Variants in TLE6 observed in about 807,000 individuals in gnomAD.
TLE6 encodes TLE family member 6, subcortical maternal complex member, also known as transducin-like enhancer protein 6.
Under a neutral mutation model 77.1 loss-of-function variants are expected in TLE6, and 72 were observed. That is an observed-to-expected ratio of 0.93 (90% CI 0.77 to 1.14). The LOEUF is 1.14. Ranked by LOEUF, TLE6 falls within the 50% of genes most tolerant of loss-of-function variation. The pLI, the probability that TLE6 is intolerant of heterozygous loss-of-function variation, is 0.00. For missense variants in TLE6, 843 were observed against 747.6 expected (o/e 1.13, Z -1.49); for synonymous variants, 366 against 287.3 (o/e 1.27, Z -2.77).
chr19:2,990,654 TAC>T (rs1491013508), intron 13 of TLE6, among the ~76,000 whole-genome samples: 25 of 67,230 alleles, frequency 3.7e-4, no homozygotes, highest in African/African-American at 2.9e-3. Flanking sequence ...TATATATAAA[TAC>T]ATAAATATAT....
rs371606064 is a variant in TLE6 at position 2,987,083 on chromosome 19, C to A, written c.386C>A (p.Ser129Tyr). The part of the protein sequence containing the change: ...SFEDIMATRS[S>Y]DWLRRPLGED... Reference sequence around the variant, plus strand: ...GAGGACATCATGGCCACCAGGTCCTCCGACTGGCTCCGGCGGCCTTTGGGG... The same window carrying A: ...GAGGACATCATGGCCACCAGGTCCTACGACTGGCTCCGGCGGCCTTTGGGG... The change falls in exon 7 of 17, where the codon TCC (serine) becomes TAC (tyrosine). Residue 129 changes from serine to tyrosine, a missense_variant. By Grantham distance (144) the Ser-to-Tyr change is moderately radical. Transcript: ENST00000246112. The A allele has an allele frequency of 8.7e-6, 14 of 1,614,062 alleles. No individual in the cohort carries two copies. Among genetic ancestry groups the A allele is most frequent in the African/African-American group, 1.3e-5 (1 of 74,952 alleles).
At chr19:2,991,184 AC>A (rs1371373166) in intron 13 of TLE6, among the ~76,000 whole-genome samples, 1 of 148,870 alleles carries the variant, frequency 6.7e-6, no homozygotes, top group Non-Finnish European at 1.5e-5. Context: ...ACATGGAGAT[AC>A]CCCATCTCTA....
chr19:2,991,891 C>T lies in TLE6; in HGVS notation c.1293C>T (p.Gly431=). 6.2e-7 allele frequency: 1 copy of T among 1,613,860 alleles called. No individual in the cohort carries two copies. The highest frequency in any genetic ancestry group is 1.6e-4 in the Middle Eastern group (1 of 6,062). Residue 431 remains glycine, a synonymous_variant, in exon 14 of 17, where the codon GGC becomes GGT. Transcript: ENST00000246112. ...GAGTCAAGAGTATCGTGGTCAAGGG[C>T]TACAACATCTGGACTGGGGGTCCGG... The part of the protein sequence containing the change: ...PDGVKSIVVK[G]YNIWTGGPDA...
At chr19:2,992,608 AAAAAAT>A (rs1420397566) in intron 14 of TLE6, among the ~76,000 whole-genome samples, 5 of 151,816 alleles carry the variant, frequency 3.3e-5, no homozygotes, top group East Asian at 1.9e-4. Flanking sequence ...CTGTTTCTAC[AAAAAAT>A]AAAAATAAAA....
At chr19:2,985,166 C>T (rs1439582234) in intron 5 of TLE6, among the ~76,000 whole-genome samples, 1 of 151,830 alleles carries the variant, frequency 6.6e-6, no homozygotes, top group African/African-American at 2.4e-5. Flanking sequence ...AGGAGAATTG[C>T]TTTAACCCAG....
chr19:2,980,264 G>GT, intron 3 of TLE6, 82 bp downstream of exon 3: 1 of 1,221,050 alleles, frequency 8.2e-7, no homozygotes, highest in Admixed American at 2.2e-5. Context: ...CTAGTGAGTG[G>GT]TCTAGAGGCT....
chr19:2,985,372 T>C (rs2145034416), intron 5 of TLE6, among the ~76,000 whole-genome samples: 1 of 150,782 alleles, frequency 6.6e-6, no homozygotes, highest in South Asian at 2.1e-4. Context: ...TAGGGAGACC[T>C]AGGTATGCTG....
chr19:2,980,143 A>C lies in TLE6; in HGVS notation c.95A>C (p.Asn32Thr). The part of the protein sequence containing the change: ...ISNSESSPTL[N>T]YQGILNRLKQ... ...AACTCTGAGAGCTCTCCGACGCTGA[A>C]TTATCAGGGCATTCTAAATCGGCTC... The change falls in exon 3 of 17, where the codon AAT becomes ACT. Residue 32 changes from asparagine to threonine, a missense_variant. Physicochemically the swap from Asn to Thr is moderately conservative, Grantham distance 65 (BLOSUM62 0). Transcript: ENST00000246112. 1 of 1,549,930 alleles carries C rather than the reference A, an allele frequency of 6.5e-7. No individual in the cohort carries two copies. Among genetic ancestry groups the C allele is most frequent in the Non-Finnish European group, 8.7e-7 (1 of 1,145,922 alleles).
At chr19:2,983,691 G>C (rs909165531) in intron 5 of TLE6, among the ~76,000 whole-genome samples, 1 of 152,094 alleles carries the variant, frequency 6.6e-6, no homozygotes, top group Non-Finnish European at 1.5e-5. Context: ...TGAACCCTGA[G>C]GGAGGGAGGT....
In TLE6 at chr19:2,981,529, C is replaced by A; in HGVS notation, c.135-9C>A. The A allele has an allele frequency of 6.4e-7, 1 of 1,551,532 alleles. No individual in the cohort carries two copies. Among genetic ancestry groups the A allele is most frequent in the Non-Finnish European group, 8.7e-7 (1 of 1,146,918 alleles). ...ACAGGTCTTCCAGCCTGTCCTCCTT[C>A]CCCCTCAGGTTTTCTCCTCATTTTG... On this transcript the variant is annotated splice_polypyrimidine_tract_variant and intron_variant, in intron 3 of 16. Coordinates refer to ENST00000246112, the MANE Select transcript of TLE6 (RefSeq NM_001143986.2).
Position 2,987,190 on chromosome 19 carries a change from C to T in TLE6, c.493C>T (p.Arg165Trp), listed in dbSNP as rs766166831. 13 of 1,613,936 alleles carry T rather than the reference C, an allele frequency of 8.1e-6. No individual in the cohort carries two copies. In the African/African-American group the frequency reaches 9.3e-5, roughly 12 times the overall value. ...CGACACTCTGACCGAGCAACTCTGG[C>T]GGATTTTTGCCGGCGTCCACGATGA... ...WHDTLTEQLWRIFAGVHDEKA... is the reference protein window; with the variant it reads ...WHDTLTEQLWWIFAGVHDEKA... Residue 165 changes from arginine (R) to tryptophan (W), a missense_variant, in exon 7 of 17, where the codon CGG (arginine) becomes TGG (tryptophan). By Grantham distance (101) the Arg-to-Trp change is moderately radical (BLOSUM62 -3). Coordinates refer to ENST00000246112, the MANE Select transcript of TLE6 (RefSeq NM_001143986.2).
chr19:2,978,477 C>T (rs182940851), intron 2 of TLE6, among the ~76,000 whole-genome samples, 193 bp downstream of exon 2: 2 of 152,140 alleles, frequency 1.3e-5, no homozygotes, highest in South Asian at 2.1e-4. Context: ...AGGCTGGACA[C>T]TGTGGCTCAC....
At chr19:2,985,399 C>CTTT (rs1158204473) in intron 5 of TLE6, among the ~76,000 whole-genome samples, 2,577 of 89,936 alleles carry the variant, frequency 0.029, 353 homozygotes, top group African/African-American at 0.1. Flanking sequence ...TGCTTGAAGC[C>CTTT]TTTTTTTTTT....
chr19:2,989,694 C>T lies in TLE6; in HGVS notation c.1153C>T (p.Leu385=). ...LPCAGLNCQA[L]DANLDANLAF... ...CTGTGCAGGTCTCAACTGCCAGGCC[C>T]TGGATGCCAACCTGGATGCCAACCT... The change falls in exon 13 of 17, where the codon CTG becomes TTG. Residue 385 remains leucine (L), a synonymous_variant. Transcript: ENST00000246112. 3 of 1,614,128 alleles carry T rather than the reference C, an allele frequency of 1.9e-6. No homozygotes were observed. Among genetic ancestry groups the T allele is most frequent in the Non-Finnish European group, 2.5e-6 (3 of 1,179,974 alleles).
Position 2,995,047 on chromosome 19 carries a change from C to T in TLE6, c.*43C>T, listed in dbSNP as rs998316193. On this transcript the variant is annotated 3_prime_UTR_variant, in exon 17 of 17. Coordinates refer to ENST00000246112, the MANE Select transcript of TLE6 (RefSeq NM_001143986.2). ...ATCCCACTCCGGCTCCTCTTTTCAT[C>T]CCCCCCCTTCCCCCCCCCCAACAAG... 1.0e-5 allele frequency: 10 copies of T among 977,056 alleles called. No homozygotes were observed. The East Asian group carries it at 2.0e-4, about 19-fold the overall frequency. 60.5% of individuals were successfully genotyped at this position (977,056 alleles called of 1,614,324 possible).
chr19:2,993,539 G>C lies in TLE6; in HGVS notation c.1494G>C (p.Gly498=), dbSNP rs2089134670. The change falls in exon 15 of 17, where the codon GGG becomes GGC. Residue 498 remains glycine, a synonymous_variant. Transcript: ENST00000246112. The part of the protein sequence containing the change: ...STSGSQRHMV[G]QKDSVILSVK... ...GCGGGAGCCAGCGGCACATGGTGGG[G>C]CAAAAAGACAGCGTCATCCTGAGCG... 1.3e-6 allele frequency: 2 copies of C among 1,587,638 alleles called. No homozygotes were observed. The highest frequency in any genetic ancestry group is 1.1e-5 in the South Asian group (1 of 89,948).
chr19:2,981,698 C>T, intron 4 of TLE6, 115 bp downstream of exon 4: 1 of 1,127,458 alleles, frequency 8.9e-7, no homozygotes. Context: ...CCGCCAAGCA[C>T]TGTGCCTCAC....
At chr19:2,980,006 C>A in intron 2 of TLE6, 94 bp from the exon 3 acceptor site, 2 of 911,184 alleles carry the variant, frequency 2.2e-6, no homozygotes, top group East Asian at 2.9e-5. Context: ...ACTTTTGCAC[C>A]AACCTAATGC....
chr19:2,990,710 TA>T (rs1197494976), intron 13 of TLE6, among the ~76,000 whole-genome samples: 2 of 149,250 alleles, frequency 1.3e-5, no homozygotes, highest in African/African-American at 4.9e-5. Flanking sequence ...TATACATATA[TA>T]AAAAACAGTC....
Sources: gnomAD v4.1 joint callset for allele counts (sites outside exome capture counted in the v4.1 genomes callset) on GRCh38, gnomAD v4.1.1 for gene constraint, MANE v1.5 for transcripts, NCBI Gene and HGNC (gene_info 2026-07-23, HGNC 2026-07-21) for gene names.